ANK3: variants seen among roughly 807,000 people sequenced by gnomAD.
The protein encoded by ANK3 is ankyrin 3.
In ANK3, 57 loss-of-function variants were observed where a neutral mutation model predicts 370.9. The ratio of observed to expected loss-of-function variants is 0.15; its 90% CI spans 0.12 to 0.19. ANK3 has a LOEUF of 0.19. Ranked by LOEUF, ANK3 falls within the 10% of genes least tolerant of loss-of-function variation. ANK3 has a pLI of 1.00. For missense variants in ANK3, 4,439 were observed against 5,302.1 expected (o/e 0.84, Z 5.06); for synonymous variants, 1,929 against 1,946.3 (o/e 0.99, Z 0.23).
At chr10:60,608,233 C>T (rs1240443155) in intron 2 of ANK3, among the ~76,000 whole-genome samples, 1 of 152,120 alleles carries the variant, frequency 6.6e-6, no homozygotes, top group Admixed American at 6.6e-5. Context: ...AATGTTAGCT[C>T]CTTTACTCTT....
At chr10:60,360,959 A>G (rs182672719) in intron 1 of ANK3, among the ~76,000 whole-genome samples, 2 of 152,340 alleles carry the variant, frequency 1.3e-5, no homozygotes, top group African/African-American at 4.8e-5. Context: ...AGATTGGTGA[A>G]AATGAAAAAT....
chr10:60,177,593 CTTT>C (rs771714886), intron 18 of ANK3, among the ~76,000 whole-genome samples: 7 of 106,286 alleles, frequency 6.6e-5, no homozygotes, highest in African/African-American at 1.7e-4. Flanking sequence ...GTCTTCAAAT[CTTT>C]TTTTTTTTTT....
At chr10:60,675,153 A>G (rs1029892043) in intron 1 of ANK3, among the ~76,000 whole-genome samples, 6 of 152,232 alleles carry the variant, frequency 3.9e-5, no homozygotes, top group Admixed American at 3.3e-4. Flanking sequence ...ATGTTTTTAC[A>G]TATTTAAGTA....
intron 2 of ANK3, among the ~76,000 whole-genome samples, chr10:60,395,594 TTC>T (rs1371779931): frequency 6.9e-5 from 8 of 116,174 alleles, no homozygotes; most frequent in African/African-American, 2.9e-4. Flanking sequence ...CTTTCTTTCT[TTC>T]TTTCTTTCTT....
chr10:60,730,000 T>C (rs1024062228), intron 1 of ANK3, among the ~76,000 whole-genome samples: 1 of 152,226 alleles, frequency 6.6e-6, no homozygotes, highest in Admixed American at 6.5e-5. Flanking sequence ...GATGATTTTG[T>C]TTGTCCACCT....
At chr10:60,386,132 C>T (rs916125358) in intron 1 of ANK3, among the ~76,000 whole-genome samples, 1 of 152,050 alleles carries the variant, frequency 6.6e-6, no homozygotes, top group Non-Finnish European at 1.5e-5. Context: ...ATAAACAGCT[C>T]TTCTCAGCTA....
intron 1 of ANK3, among the ~76,000 whole-genome samples, chr10:60,643,155 A>G (rs1246306118): frequency 6.6e-6 from 1 of 152,134 alleles, no homozygotes; most frequent in Admixed American, 6.6e-5. Context: ...CTTGATTTGA[A>G]GGATACAAAG....
chr10:60,583,435 T>C (rs549670342), intron 2 of ANK3, among the ~76,000 whole-genome samples: 2 of 152,252 alleles, frequency 1.3e-5, no homozygotes, highest in Admixed American at 1.3e-4. Flanking sequence ...GTTCTGGTGG[T>C]TTATTGCATA....
chr10:60,286,905 C>T (rs959946367), intron 1 of ANK3, among the ~76,000 whole-genome samples: 4 of 152,146 alleles, frequency 2.6e-5, no homozygotes, highest in Non-Finnish European at 4.4e-5. Context: ...TAAGACTACA[C>T]GGATAAATTT....
chr10:60,379,573 G>A (rs1262572684), intron 1 of ANK3, among the ~76,000 whole-genome samples: 1 of 151,992 alleles, frequency 6.6e-6, no homozygotes, highest in East Asian at 1.9e-4. Flanking sequence ...TAGCAACATG[G>A]GCAGAAATGG....
At chr10:60,301,924 A>G (rs1317180611) in intron 1 of ANK3, among the ~76,000 whole-genome samples, 3 of 152,140 alleles carry the variant, frequency 2.0e-5, no homozygotes, top group African/African-American at 7.2e-5. Flanking sequence ...GTTCTCTTAA[A>G]CCTTTAAGGC....
rs150255176 is a variant in ANK3, at chr10:60,354,147, G to T, written c.114+35278C>A. 3.5e-4 allele frequency among the ~76,000 whole-genome samples: 54 copies of T among 152,342 alleles called. No individual in the cohort carries two copies. In the East Asian group the frequency reaches 8.9e-3, roughly 25 times the overall value. On this transcript the variant is annotated intron_variant, in intron 1 of 43. Coordinates refer to ENST00000280772, the MANE Select transcript of ANK3 (RefSeq NM_020987.5). ...ACTTTGTGAATTGTGAATTGTTTCAGAATTGTGAAAATCAAGCCTTAGAGT... is the reference window on the plus strand; with the variant it reads ...ACTTTGTGAATTGTGAATTGTTTCATAATTGTGAAAATCAAGCCTTAGAGT...
At chr10:60,664,769 T>C (rs2078976292) in intron 1 of ANK3, among the ~76,000 whole-genome samples, 1 of 152,244 alleles carries the variant, frequency 6.6e-6, no homozygotes, top group African/African-American at 2.4e-5. Context: ...TCATGTCATA[T>C]ACAATAATTC....
chr10:60,374,316 T>C (rs1383424877), intron 1 of ANK3, among the ~76,000 whole-genome samples: 3 of 152,176 alleles, frequency 2.0e-5, no homozygotes, highest in Admixed American at 6.5e-5. Context: ...ATGTAGAGTA[T>C]CTTTGGTTTC....
At chr10:60,714,922 A>G (rs1383586144) in intron 1 of ANK3, among the ~76,000 whole-genome samples, 2 of 152,168 alleles carry the variant, frequency 1.3e-5, no homozygotes, top group African/African-American at 2.4e-5. Flanking sequence ...AGCATCATAC[A>G]TTTGTCAAAA....
intron 1 of ANK3, among the ~76,000 whole-genome samples, chr10:60,693,415 G>T (rs900024425): frequency 6.6e-6 from 1 of 152,238 alleles, no homozygotes; most frequent in African/African-American, 2.4e-5. Flanking sequence ...AAGGAGGCCT[G>T]CCTGCCTCTG....
intron 26 of ANK3, among the ~76,000 whole-genome samples, chr10:60,112,207 C>G (rs933965730): frequency 6.6e-6 from 1 of 152,096 alleles, no homozygotes; most frequent in Non-Finnish European, 1.5e-5. Flanking sequence ...AGCCCTAGTA[C>G]CTTGTCTTTG....
rs141051825 is a variant in ANK3, at chr10:60,055,856, T to A, written c.12867A>T (p.Gly4289=). 2.0e-5 allele frequency: 33 copies of A among 1,614,192 alleles called. No individual in the cohort carries two copies. In the African/African-American group the frequency reaches 4.3e-4, roughly 21 times the overall value. ...TKETLKPKIH[G]SGHVEEPASP... ...ATGCTGGTTCTTCAACATGACCAGA[T>A]CCATGTATTTTTGGTTTCAGAGTTT... The change falls in exon 42 of 44, where the codon GGA becomes GGT. Residue 4289 remains glycine, a synonymous_variant. Transcript: ENST00000280772.
At chr10:60,713,214 A>G (rs186997759) in intron 1 of ANK3, among the ~76,000 whole-genome samples, 43 of 152,312 alleles carry the variant, frequency 2.8e-4, no homozygotes, top group Admixed American at 7.8e-4. Flanking sequence ...GAGCCACAAA[A>G]TATACCTTAA....
Sources: gnomAD v4.1 joint callset for allele counts (sites outside exome capture counted in the v4.1 genomes callset) on GRCh38, gnomAD v4.1.1 for gene constraint, MANE v1.5 for transcripts, NCBI Gene and HGNC (gene_info 2026-07-23, HGNC 2026-07-21) for gene names.